NFATC1: variants seen among roughly 807,000 people sequenced by gnomAD.
NFATC1 encodes nuclear factor of activated T-cells, cytoplasmic 1.
In NFATC1, 22 loss-of-function variants were observed where a neutral mutation model predicts 76.0. That is an observed-to-expected ratio of 0.29 (90% CI 0.21 to 0.41). The LOEUF is 0.41. NFATC1 is among the 10% of genes least tolerant of loss of function. NFATC1 has a pLI of 1.00. For missense variants in NFATC1, 1,357 were observed against 1,337.7 expected (o/e 1.01, Z -0.23); for synonymous variants, 704 against 613.1 (o/e 1.15, Z -2.19).
intron 9 of NFATC1, among the ~76,000 whole-genome samples, chr18:79,519,161 TCCGAA>T (rs1368582809): frequency 2.6e-5 from 4 of 152,100 alleles, no homozygotes. Context: ...CTCACAGATC[TCCGAA>T]CCATGGTTTG....
At chr18:79,400,311 G>C (rs1203615378) in intron 1 of NFATC1, 1 of 1,298,042 alleles carries the variant, frequency 7.7e-7, no homozygotes, top group Non-Finnish European at 9.8e-7. Flanking sequence ...GTTACGCGGA[G>C]GACGCGCGGG....
rs762663968 is a variant in NFATC1, at chr18:79,486,860, G to A, written c.2705G>A (p.Gly902Asp). The A allele has an allele frequency of 2.9e-5, 46 of 1,611,766 alleles. No homozygotes were observed. Among genetic ancestry groups the A allele is most frequent in the Non-Finnish European group, 3.8e-5 (45 of 1,179,528 alleles). The part of the protein sequence containing the change: ...PRLLPEVHED[G>D]SPNLAPIPVT... ...CTGCTGCCAGAGGTGCATGAGGACG[G>A]TAGTCCTAATTTGGCCCCTATTCCT... The change falls in exon 9 of 10, where the codon GGT (glycine) becomes GAT (aspartate). Residue 902 changes from glycine to aspartate, a missense_variant. Around this residue, in one of 3 missense-constraint regions of NFATC1, gnomAD observed 424 missense variants for 395.4 expected, o/e 1.07. Coordinates refer to ENST00000427363, the MANE Select transcript of NFATC1 (RefSeq NM_001278669.2).
At chr18:79,414,007 G>T (rs1386098902) in intron 2 of NFATC1, among the ~76,000 whole-genome samples, 1 of 152,168 alleles carries the variant, frequency 6.6e-6, no homozygotes, top group Non-Finnish European at 1.5e-5. Flanking sequence ...TCGCTCCTGG[G>T]GTTTGCAGTT....
intron 9 of NFATC1, among the ~76,000 whole-genome samples, chr18:79,514,068 C>G (rs573721978): frequency 1.3e-5 from 2 of 152,230 alleles, no homozygotes; most frequent in African/African-American, 2.4e-5. Context: ...AGGCGCTGCC[C>G]AGGTTCAGCT....
chr18:79,458,495 G>T (rs2087868481), intron 6 of NFATC1, among the ~76,000 whole-genome samples: 1 of 152,206 alleles, frequency 6.6e-6, no homozygotes, highest in Non-Finnish European at 1.5e-5. Flanking sequence ...GGCGGGTCCT[G>T]GCCGGTCTGG....
chr18:79,411,563 C>T (rs1259313931), intron 2 of NFATC1, 62 bp downstream of exon 2: 88 of 888,216 alleles, frequency 9.9e-5, no homozygotes, highest in East Asian at 1.2e-4. Flanking sequence ...GGGCGGAACG[C>T]GGGGAGCGGG....
chr18:79,479,328 C>T (rs1448820308), intron 8 of NFATC1, among the ~76,000 whole-genome samples: 1 of 151,878 alleles, frequency 6.6e-6, no homozygotes, highest in East Asian at 1.9e-4. Flanking sequence ...TGAACTGGGC[C>T]TGTGCGGCCC....
chr18:79,417,101 ATGGGAGATGGGCTATGG>A (rs1333109010), intron 2 of NFATC1, among the ~76,000 whole-genome samples: 15 of 151,574 alleles, frequency 9.9e-5, no homozygotes, highest in Non-Finnish European at 2.1e-4. Flanking sequence ...GTGGTGGGAG[ATGGGAGATGGGCTATGG>A]TGGGAGATGG....
chr18:79,502,156 C>G (rs1290373972), intron 9 of NFATC1, among the ~76,000 whole-genome samples: 1 of 152,192 alleles, frequency 6.6e-6, no homozygotes, highest in Non-Finnish European at 1.5e-5. Context: ...GCATAGGACA[C>G]ATAGATCAGT....
rs1414171101 is a variant in NFATC1 at position 79,528,209 on chromosome 18, T to C, written c.*632T>C. ...CAGCTCTTTTGTAACATGCTTCCCTTGTCTGCGCGGTTGAAACCGTAGGCT... is the reference window on the plus strand; with the variant it reads ...CAGCTCTTTTGTAACATGCTTCCCTCGTCTGCGCGGTTGAAACCGTAGGCT... On this transcript the variant is annotated 3_prime_UTR_variant, in exon 10 of 10. Coordinates refer to ENST00000427363, the MANE Select transcript of NFATC1 (RefSeq NM_001278669.2). The C allele has an allele frequency of 8.7e-6, 3 of 343,238 alleles. No individual in the cohort carries two copies. In the East Asian group the frequency reaches 1.3e-4, roughly 15 times the overall value. 21.3% of individuals were successfully genotyped at this position (343,238 alleles called of 1,614,324 possible). A position where few individuals can be genotyped will look rare whatever the true frequency, so the allele number is the denominator to read the frequency against.
chr18:79,494,186 G>T (rs1454397069), intron 9 of NFATC1, among the ~76,000 whole-genome samples: 1 of 152,014 alleles, frequency 6.6e-6, no homozygotes, highest in Non-Finnish European at 1.5e-5. Flanking sequence ...GCGAGGGACA[G>T]TGAGAAAGGC....
chr18:79,515,935 T>C (rs956058983), intron 9 of NFATC1: 1 of 151,354 alleles, frequency 6.6e-6, no homozygotes, highest in African/African-American at 2.4e-5. Context: ...TCCCAGTGAG[T>C]GACTGGAATG....
chr18:79,464,988 A>C (rs2088397274), intron 7 of NFATC1, among the ~76,000 whole-genome samples: 1 of 152,022 alleles, frequency 6.6e-6, no homozygotes, highest in Non-Finnish European at 1.5e-5. Context: ...GACAGGTGTG[A>C]GCCACCGTGC....
rs570087881 is a variant in NFATC1 at position 79,462,461 on chromosome 18, C to T, written c.1959+1095C>T. Among the ~76,000 whole-genome samples the T allele has an allele frequency of 3.7e-4, 57 of 152,174 alleles. No individual in the cohort carries two copies. The South Asian group carries it at 0.011, about 29-fold the overall frequency. On this transcript the variant is annotated intron_variant, in intron 7 of 9. Coordinates refer to ENST00000427363, the MANE Select transcript of NFATC1 (RefSeq NM_001278669.2). Reference sequence around the variant, plus strand: ...CTGGGATTACAGGCATGCACCACCACGCCCGGCTAATTTTGTAATTTTAGT... The same window carrying T: ...CTGGGATTACAGGCATGCACCACCATGCCCGGCTAATTTTGTAATTTTAGT...
intron 3 of NFATC1, among the ~76,000 whole-genome samples, chr18:79,446,661 C>T (rs1481460857): frequency 6.6e-6 from 1 of 152,110 alleles, no homozygotes; most frequent in Non-Finnish European, 1.5e-5. Flanking sequence ...GTCCCCCGTC[C>T]TGACTGTTTG....
chr18:79,462,558 C>T (rs1474747300), intron 7 of NFATC1, among the ~76,000 whole-genome samples: 1 of 152,188 alleles, frequency 6.6e-6, no homozygotes, highest in Non-Finnish European at 1.5e-5. Context: ...CCCGCCTCGG[C>T]CTCCCAAAGT....
chr18:79,469,672 G>A (rs1241999561), intron 8 of NFATC1: 8 of 985,950 alleles, frequency 8.1e-6, no homozygotes, highest in Non-Finnish European at 9.6e-6. Flanking sequence ...ATGGCTCAAC[G>A]CAGGCCAGGT....
At chr18:79,490,460 C>G (rs896373159) in intron 9 of NFATC1, among the ~76,000 whole-genome samples, 1 of 152,050 alleles carries the variant, frequency 6.6e-6, no homozygotes, top group Admixed American at 6.6e-5. Flanking sequence ...CTCAGGCTCT[C>G]AGTCATGGTG....
intron 1 of NFATC1, among the ~76,000 whole-genome samples, chr18:79,406,114 C>T (rs1299121304): frequency 1.3e-5 from 2 of 152,174 alleles, no homozygotes; most frequent in Admixed American, 1.3e-4. Flanking sequence ...CAGTTCAGGG[C>T]TGAGTCCTGT....
Sources: gnomAD v4.1 joint callset for allele counts (sites outside exome capture counted in the v4.1 genomes callset) on GRCh38, gnomAD v4.1.1 for gene constraint, gnomAD v4.1.1 regional missense constraint, MANE v1.5 for transcripts, NCBI Gene and HGNC (gene_info 2026-07-23, HGNC 2026-07-21) for gene names.